The following HSD17B12 variants were observed in gnomAD, a reference collection of about 807,000 sequenced individuals.
HSD17B12 encodes hydroxysteroid 17-beta dehydrogenase 12.
Under a neutral mutation model 39.3 loss-of-function variants are expected in HSD17B12, and 32 were observed. The observed-to-expected ratio is 0.81, with a 90% CI of 0.61 to 1.09. The LOEUF (loss-of-function observed/expected upper bound fraction) is 1.09, where lower values mean the gene tolerates loss of function less well. Ranked by LOEUF, HSD17B12 falls within the 50% of genes least tolerant of loss-of-function variation. HSD17B12 has a pLI of 0.00. For missense variants in HSD17B12, 342 were observed against 382.9 expected (o/e 0.89, Z 0.89); for synonymous variants, 150 against 146.7 (o/e 1.02, Z -0.16).
At chr11:43,791,522 ACT>A (rs1406731090) in intron 3 of HSD17B12, among the ~76,000 whole-genome samples, 3 of 150,594 alleles carry the variant, frequency 2.0e-5, no homozygotes, top group Admixed American at 2.0e-4. Flanking sequence ...ACAGAGTGAG[ACT>A]CTGTCTCAAA....
chr11:43,774,997 C>A (rs1034978505), intron 3 of HSD17B12, among the ~76,000 whole-genome samples: 7 of 152,156 alleles, frequency 4.6e-5, no homozygotes, highest in African/African-American at 1.4e-4. Context: ...GTGGGCCTCA[C>A]CCAATCAGGT....
intron 3 of HSD17B12, among the ~76,000 whole-genome samples, chr11:43,766,027 A>G (rs1204310989): frequency 2.0e-5 from 3 of 152,092 alleles, no homozygotes; most frequent in Non-Finnish European, 4.4e-5. Context: ...GGGTTTCACC[A>G]TGTTAGCCAA....
At chr11:43,797,661 G>C (rs1950927300) in intron 3 of HSD17B12, among the ~76,000 whole-genome samples, 1 of 152,172 alleles carries the variant, frequency 6.6e-6, no homozygotes, top group Admixed American at 6.5e-5. Context: ...TGTTCCTCCA[G>C]GGTCTCATTT....
At chr11:43,631,895 C>T in the HSD17B12 span, among the ~76,000 whole-genome samples, 3 of 152,046 alleles carry the variant, frequency 2.0e-5, no homozygotes, top group Non-Finnish European at 4.4e-5. Context: ...CCGTTTTGCC[C>T]CTATCGCACT....
At chr11:43,851,676 T>C (rs1951532154) in intron 9 of HSD17B12, among the ~76,000 whole-genome samples, 1 of 152,204 alleles carries the variant, frequency 6.6e-6, no homozygotes, top group Admixed American at 6.5e-5. Flanking sequence ...CATAATGAAG[T>C]GTCTTTCACC....
the HSD17B12 span, among the ~76,000 whole-genome samples, chr11:43,662,144 G>C: frequency 6.6e-6 from 1 of 151,716 alleles, no homozygotes; most frequent in Non-Finnish European, 1.5e-5. Flanking sequence ...AGACTGCAGT[G>C]TGCTGTGATC....
At chr11:43,838,272 A>G in intron 7 of HSD17B12, 45 bp from the exon 8 acceptor site, 1 of 1,245,490 alleles carries the variant, frequency 8.0e-7, no homozygotes, top group African/African-American at 1.5e-5. Flanking sequence ...AAACAACTGC[A>G]TACTGTGGCT....
At chr11:43,735,984 G>A (rs1008548369) in intron 1 of HSD17B12, among the ~76,000 whole-genome samples, 6 of 152,148 alleles carry the variant, frequency 3.9e-5, no homozygotes, top group Non-Finnish European at 8.8e-5. Flanking sequence ...GGCCCCTTCC[G>A]TGTTACTCCC....
chr11:43,568,033 G>A, the HSD17B12 span, among the ~76,000 whole-genome samples: 3 of 152,226 alleles, frequency 2.0e-5, no homozygotes, highest in East Asian at 3.9e-4. Flanking sequence ...CTGAGATTGC[G>A]CCATAAACTT....
intron 1 of HSD17B12, among the ~76,000 whole-genome samples, chr11:43,729,001 A>G (rs1265227934): frequency 6.6e-6 from 1 of 152,230 alleles, no homozygotes; most frequent in Admixed American, 6.5e-5. Context: ...TGTGCTATAC[A>G]TGCTCTATAA....
At chr11:43,634,975 C>T in the HSD17B12 span, among the ~76,000 whole-genome samples, 1 of 151,944 alleles carries the variant, frequency 6.6e-6, no homozygotes, top group Non-Finnish European at 1.5e-5. Flanking sequence ...GTGATAATGC[C>T]TTTGTGGTTG....
At chr11:43,757,665 A>AC (rs1950522398) in intron 3 of HSD17B12, among the ~76,000 whole-genome samples, 2 of 144,344 alleles carry the variant, frequency 1.4e-5, no homozygotes, top group Admixed American at 6.9e-5. Flanking sequence ...AAAAAAAAAA[A>AC]AACAAATAGG....
chr11:43,706,689 G>GGGGTGTGTGT (rs1037280801), intron 1 of HSD17B12, among the ~76,000 whole-genome samples: 4 of 137,820 alleles, frequency 2.9e-5, no homozygotes, highest in Non-Finnish European at 3.1e-5. Context: ...TGAATGAAGG[G>GGGGTGTGTGT]GTGTGTGTGT....
At chr11:43,754,699 G>A (rs189778719) in intron 3 of HSD17B12, among the ~76,000 whole-genome samples, 14 of 152,172 alleles carry the variant, frequency 9.2e-5, no homozygotes, top group South Asian at 2.1e-4. Context: ...TTATTTTATC[G>A]TATTCTGCTG....
At chr11:43,703,902 T>C (rs1004867544) in intron 1 of HSD17B12, among the ~76,000 whole-genome samples, 8 of 152,202 alleles carry the variant, frequency 5.3e-5, no homozygotes, top group Admixed American at 2.0e-4. Flanking sequence ...TTCCATTTCA[T>C]TTATTTCTGC....
In HSD17B12 at chr11:43,687,444, G is replaced by A. The variant is rs549921420; in HGVS notation, c.160+6457G>A. ...AAGTGGTGAGAACAGGAAGTATTTG[G>A]TCCTATGAGAATTTGTGAGGGAAAG... On this transcript the variant is annotated intron_variant, in intron 1 of 10. Coordinates refer to ENST00000278353, the MANE Select transcript of HSD17B12 (RefSeq NM_016142.3). Among the ~76,000 whole-genome samples, 137 of 152,304 alleles carry A rather than the reference G, an allele frequency of 9.0e-4. 1 individual carries two copies. The highest frequency in any genetic ancestry group is 3.2e-3 in the African/African-American group (135 of 41,568).
At chr11:43,767,421 G>C (rs1950605495) in intron 3 of HSD17B12, among the ~76,000 whole-genome samples, 1 of 151,996 alleles carries the variant, frequency 6.6e-6, no homozygotes. Context: ...TTTTATGTGG[G>C]GATTGCTTCC....
chr11:43,719,118 A>T (rs1045409276), intron 1 of HSD17B12: 2 of 761,676 alleles, frequency 2.6e-6, no homozygotes, highest in Admixed American at 3.4e-5. Flanking sequence ...AATGCTTTGG[A>T]TGTTGCCAAC....
In HSD17B12 at chr11:43,754,731, G is replaced by C. The variant is rs900691325; in HGVS notation, c.283+610G>C. 5.5e-5 allele frequency: 28 copies of C among 512,348 alleles called. No individual in the cohort carries two copies. The Middle Eastern group carries it at 1.6e-3, about 29-fold the overall frequency. 31.7% of individuals were successfully genotyped at this position (512,348 alleles called of 1,614,324 possible). A position where few individuals can be genotyped will look rare whatever the true frequency, so the allele number is the denominator to read the frequency against. On this transcript the variant is annotated intron_variant, in intron 3 of 10. Coordinates refer to ENST00000278353, the MANE Select transcript of HSD17B12 (RefSeq NM_016142.3). Reference sequence around the variant, plus strand: ...GCTGAAATGTCTAAACTTGTTTGCTGTGACTTCATTTCAGTATTCCTGAAT... The same window carrying C: ...GCTGAAATGTCTAAACTTGTTTGCTCTGACTTCATTTCAGTATTCCTGAAT...
Sources: allele counts gnomAD v4.1 joint callset (sites outside exome capture counted in the v4.1 genomes callset), GRCh38; gene constraint gnomAD v4.1.1; transcripts MANE v1.5; gene names NCBI Gene and HGNC (gene_info 2026-07-23, HGNC 2026-07-21).